Variants in CAPRIN1 observed in about 807,000 individuals in gnomAD.
CAPRIN1 encodes cell cycle associated protein 1, also known as caprin-1.
CAPRIN1 carries 29 observed loss-of-function variants against 100.9 expected under a neutral mutation model. The observed-to-expected ratio is 0.29, with a 90% confidence interval of 0.21 to 0.39. The LOEUF (loss-of-function observed/expected upper bound fraction) is 0.39, where lower values mean the gene tolerates loss of function less well. Ranked by LOEUF, CAPRIN1 falls within the 10% of genes least tolerant of loss-of-function variation. The probability of loss-of-function intolerance (pLI) is 1.00; values close to 1 mark genes in which losing one functional copy is unlikely to be tolerated. For synonymous variants in CAPRIN1, 338 were observed against 307.5 expected, an observed-to-expected ratio of 1.10 and a Z score of -1.04; for missense variants, 795 against 876.7, an observed-to-expected ratio of 0.91 and a Z score of 1.18.
chr11:34,074,770 G>A (rs915769219), intron 4 of CAPRIN1, among the ~76,000 whole-genome samples: 4 of 152,184 alleles, frequency 2.6e-5, no homozygotes, highest in African/African-American at 9.7e-5. Context: ...GTAATCCCAG[G>A]AGGCTGAGGC....
At chr11:34,080,134 A>G (rs540998431) in intron 7 of CAPRIN1, among the ~76,000 whole-genome samples, 1 of 152,188 alleles carries the variant, frequency 6.6e-6, no homozygotes, top group African/African-American at 2.4e-5. Context: ...TGTGTTGGCC[A>G]GGATGGTCTC....
chr11:34,077,491 A>G (rs1850930875), intron 6 of CAPRIN1, among the ~76,000 whole-genome samples: 1 of 152,206 alleles, frequency 6.6e-6, no homozygotes, highest in African/African-American at 2.4e-5. Flanking sequence ...TTATTCTCAA[A>G]CATGCAACTG....
intron 15 of CAPRIN1, among the ~76,000 whole-genome samples, chr11:34,093,179 A>G (rs865944061): frequency 1.4e-5 from 2 of 141,388 alleles, no homozygotes; most frequent in Non-Finnish European, 1.5e-5. Flanking sequence ...CGATAGAGAT[A>G]CTTTAGATTT....
intron 11 of CAPRIN1, among the ~76,000 whole-genome samples, chr11:34,087,920 G>T (rs1408121119): frequency 6.6e-6 from 1 of 152,164 alleles, no homozygotes; most frequent in Non-Finnish European, 1.5e-5. Context: ...ATCATTGTTG[G>T]GAAGGGAGGT....
At chr11:34,078,947 C>T (rs1199645639) in intron 6 of CAPRIN1, among the ~76,000 whole-genome samples, 3 of 152,188 alleles carry the variant, frequency 2.0e-5, no homozygotes, top group African/African-American at 7.2e-5. Context: ...GATACCACTT[C>T]TGTTAGACCA....
rs12785596 is a variant in CAPRIN1 at position 34,097,448 on chromosome 11, C to G, written c.2001+152C>G. 6,905 of 733,522 alleles carry G rather than the reference C, an allele frequency of 9.4e-3. 56 individuals are homozygous for G. The highest frequency in any genetic ancestry group is 0.013 in the Non-Finnish European group (5,953 of 442,136). The allele number at this position is 733,522 out of a possible 1,614,324, so 45.4% of individuals were successfully genotyped here. A position where few individuals can be genotyped will look rare whatever the true frequency, so the allele number is the denominator to read the frequency against. On this transcript the variant is annotated intron_variant, in intron 17 of 18. Coordinates refer to ENST00000341394, the MANE Select transcript of CAPRIN1 (RefSeq NM_005898.5). Reference sequence around the variant, plus strand: ...TGAAACAAAAGCTTTTAGCACTCAACATCAGTACTCCTTTAGTAAAGCCTG... The same window carrying G: ...TGAAACAAAAGCTTTTAGCACTCAAGATCAGTACTCCTTTAGTAAAGCCTG...
At chr11:34,075,070 G>A (rs1480539761) in intron 4 of CAPRIN1, among the ~76,000 whole-genome samples, 1 of 150,076 alleles carries the variant, frequency 6.7e-6, no homozygotes. Context: ...TTTTTCTTGA[G>A]ACAGTCTCAC....
chr11:34,060,195 C>CAAA lies in CAPRIN1; in HGVS notation c.216+7580_216+7582dup, dbSNP rs1175800677. Among the ~76,000 whole-genome samples the CAAA allele has an allele frequency of 3.8e-3, 154 of 40,300 alleles. 4 individuals carry two copies. Among genetic ancestry groups the CAAA allele is most frequent in the African/African-American group, 6.7e-3 (71 of 10,578 alleles). The allele number at this position is 40,300 out of a possible 152,430, so 26.4% of individuals were successfully genotyped here. A position where few individuals can be genotyped will look rare whatever the true frequency, so the allele number is the denominator to read the frequency against. On this transcript the variant is annotated intron_variant, in intron 2 of 18. Coordinates refer to ENST00000341394, the MANE Select transcript of CAPRIN1 (RefSeq NM_005898.5). ...TGGGCAACAGAGTGATACTCCATCT[C>CAAA]AAAAAAAAAAAAAAAAAAAAAAAGC...
chr11:34,060,195 CAA>C (rs1175800677), intron 2 of CAPRIN1, among the ~76,000 whole-genome samples: 1 of 40,478 alleles, frequency 2.5e-5, no homozygotes, highest in Non-Finnish European at 4.9e-5. Context: ...TACTCCATCT[CAA>C]AAAAAAAAAA....
Position 34,100,089 on chromosome 11 carries a change from G to C in CAPRIN1, c.*722G>C, listed in dbSNP as rs939185802. 4.6e-5 allele frequency: 7 copies of C among 152,632 alleles called. No homozygotes were observed. The highest frequency in any genetic ancestry group is 1.0e-4 in the Non-Finnish European group (7 of 68,044). The allele number at this position is 152,632 out of a possible 1,614,324, so 9.5% of individuals were successfully genotyped here. A position where few individuals can be genotyped will look rare whatever the true frequency, so the allele number is the denominator to read the frequency against. On this transcript the variant is annotated 3_prime_UTR_variant, in exon 19 of 19. Transcript: ENST00000341394. ...ATGCAACAAATATGGGATGTAATCC[G>C]GATGGCCGCTTCTGTACTTAATGTG...
At chr11:34,053,106 C>G in intron 2 of CAPRIN1, 1 of 1,003,702 alleles carries the variant, frequency 1.0e-6, no homozygotes, top group South Asian at 4.0e-5. Flanking sequence ...TGGGGTCTGT[C>G]CGCTCGGTTA....
At chr11:34,091,812 A>C in intron 14 of CAPRIN1, 94 bp from the exon 15 acceptor site, 2 of 1,141,456 alleles carry the variant, frequency 1.8e-6, no homozygotes, top group South Asian at 1.5e-5. Context: ...TGATGTCTTT[A>C]TTTATGTCTG....
chr11:34,089,492 T>G (rs1590743958), intron 12 of CAPRIN1, 36 bp downstream of exon 12: 1 of 1,081,718 alleles, frequency 9.2e-7, no homozygotes, highest in African/African-American at 1.8e-5. Flanking sequence ...CAGGGCCAGG[T>G]TAGGTGGCTC....
At chr11:34,076,706 G>A in intron 6 of CAPRIN1, 64 bp downstream of exon 6, 1 of 1,014,106 alleles carries the variant, frequency 9.9e-7, no homozygotes, top group East Asian at 2.5e-5. Flanking sequence ...ATTTTCTTAT[G>A]TTTATAGTTC....
chr11:34,063,377 C>CT (rs1850622108), intron 2 of CAPRIN1: 2 of 152,214 alleles, frequency 1.3e-5, no homozygotes, highest in Non-Finnish European at 2.9e-5. Context: ...AGTTATTTAA[C>CT]TGTGTCTTTC....
intron 7 of CAPRIN1, among the ~76,000 whole-genome samples, chr11:34,082,456 T>C (rs1323389006): frequency 6.6e-6 from 1 of 152,246 alleles, no homozygotes; most frequent in Non-Finnish European, 1.5e-5. Context: ...TCCAAAGTGC[T>C]GGGATTACAG....
intron 2 of CAPRIN1, among the ~76,000 whole-genome samples, chr11:34,070,526 C>T (rs1264979221): frequency 1.3e-5 from 2 of 152,122 alleles, no homozygotes; most frequent in African/African-American, 2.4e-5. Flanking sequence ...TCCCAAGTAC[C>T]TGGGACTACA....
chr11:34,098,110 T>C, intron 18 of CAPRIN1: 1 of 1,013,354 alleles, frequency 9.9e-7, no homozygotes, highest in Non-Finnish European at 1.2e-6. Flanking sequence ...TGGAATGAGA[T>C]TGAACATTTA....
In CAPRIN1 at chr11:34,078,829, G is replaced by C. The variant is rs546580869; in HGVS notation, c.689-799G>C. ...TCTACTCTTCTGGATTTCAACTCTT[G>C]TAGCACTTACCTAGGGAAACCTTTT... On this transcript the variant is annotated intron_variant, in intron 6 of 18. Coordinates refer to ENST00000341394, the MANE Select transcript of CAPRIN1 (RefSeq NM_005898.5). Among the ~76,000 whole-genome samples, 87 of 152,196 alleles carry C rather than the reference G, an allele frequency of 5.7e-4. 1 individual carries two copies. The South Asian group carries it at 7.5e-3, about 13-fold the overall frequency.
Sources: allele counts gnomAD v4.1 joint callset (sites outside exome capture counted in the v4.1 genomes callset), GRCh38; gene constraint gnomAD v4.1.1; transcripts MANE v1.5; gene names NCBI Gene and HGNC (gene_info 2026-07-23, HGNC 2026-07-21).